Variants in MRE11 observed in about 807,000 individuals in gnomAD.
The protein encoded by MRE11 is double-strand break repair protein MRE11.
MRE11 carries 62 observed loss-of-function variants against 91.7 expected under a neutral mutation model. The ratio of observed to expected loss-of-function variants is 0.68; its 90% CI spans 0.55 to 0.84. The LOEUF (loss-of-function observed/expected upper bound fraction) is 0.84. Among genes scored for constraint, MRE11 ranks in the 40% least tolerant of loss-of-function variants. MRE11 has a pLI of 0.00. For missense variants in MRE11, 796 were observed against 852.9 expected (o/e 0.93, Z 0.83); for synonymous variants, 273 against 271.4 (o/e 1.01, Z -0.06).
At position 94,416,711 on chromosome 11, in the gene MRE11, A is replaced by G. The variant is rs1230660546; in HGVS notation, c.*3414T>C. The G allele has an allele frequency of 2.1e-5, 3 of 144,964 alleles. No homozygotes were observed. Among genetic ancestry groups the G allele is most frequent in the South Asian group, 2.3e-4 (1 of 4,420 alleles). The allele number at this position is 144,964 out of a possible 1,614,324, so 9.0% of individuals were successfully genotyped here. A position where few individuals can be genotyped will look rare whatever the true frequency, so the allele number is the denominator to read the frequency against. ...ATACAAAAAAAAAAAAAAAAAAATTAGCCAGGCGTGGTGGTGGGCGCCTGT... is the reference window on the plus strand; with the variant it reads ...ATACAAAAAAAAAAAAAAAAAAATTGGCCAGGCGTGGTGGTGGGCGCCTGT... On this transcript the variant is annotated 3_prime_UTR_variant, in exon 20 of 20. Coordinates refer to ENST00000323929, the MANE Select transcript of MRE11 (RefSeq NM_005591.4).
chr11:94,470,531 G>C lies in MRE11; in HGVS notation c.957C>G (p.Asp319Glu), dbSNP rs1393793845. ...CTTTAGGATTATCTGGGTTAAAAAT[G>C]TCTGGATGATTAGCTAGAACAATAT... ...MEDIVLANHP[D>E]IFNPDNPKVT... The change falls in exon 9 of 20, where the codon GAC becomes GAG. Residue 319 changes from aspartate to glutamate, a missense_variant. Asp to Glu is a conservative substitution (Grantham distance 45). Transcript: ENST00000323929. The C allele has an allele frequency of 6.2e-7, 1 of 1,613,128 alleles. No individual in the cohort carries two copies. Among genetic ancestry groups the C allele is most frequent in the African/African-American group, 1.3e-5 (1 of 74,868 alleles).
At chr11:94,481,673 T>G (rs557148) in intron 4 of MRE11, among the ~76,000 whole-genome samples, 1 of 152,006 alleles carries the variant, frequency 6.6e-6, no homozygotes, top group South Asian at 2.1e-4. Context: ...CATTGTGAGA[T>G]GGTGACCTTC....
intron 1 of MRE11, 109 bp downstream of exon 1, chr11:94,493,682 A>T (rs1591732245): frequency 1.3e-5 from 2 of 151,932 alleles, no homozygotes; most frequent in Non-Finnish European, 2.9e-5. Context: ...TTCCTAAATT[A>T]CCCCACTGCT....
intron 2 of MRE11, among the ~76,000 whole-genome samples, chr11:94,491,790 T>C (rs548001885): frequency 2.6e-5 from 4 of 152,170 alleles, no homozygotes; most frequent in Non-Finnish European, 5.9e-5. Context: ...ATCTCCAAAA[T>C]TCAAATCTTT....
intron 14 of MRE11, among the ~76,000 whole-genome samples, chr11:94,448,355 C>T (rs1387119688): frequency 6.6e-6 from 1 of 151,828 alleles, no homozygotes; most frequent in Non-Finnish European, 1.5e-5. Flanking sequence ...GGTGGATGGA[C>T]TGCTTGAGAT....
At position 94,471,026 on chromosome 11, in the gene MRE11, GA is replaced by G. The variant is rs1426935621; in HGVS notation, c.846-385del. 2.6e-5 allele frequency among the ~76,000 whole-genome samples: 4 copies of G among 151,308 alleles called. No homozygotes were observed. In the South Asian group the frequency reaches 6.3e-4, roughly 24 times the overall value. ...AATGATTTTGCAGTGGACTCATGAA[GA>G]AAAAAAACCAACCAACATAGATTCT... On this transcript the variant is annotated intron_variant, in intron 8 of 19. Coordinates refer to ENST00000323929, the MANE Select transcript of MRE11 (RefSeq NM_005591.4).
chr11:94,430,127 TA>T, intron 18 of MRE11, 141 bp from the exon 19 acceptor site: 1 of 869,810 alleles, frequency 1.1e-6, no homozygotes, highest in Non-Finnish European at 1.9e-6. Context: ...TTAGCGGCAA[TA>T]AAACTTAACT....
rs1262239263 is a variant in MRE11, at chr11:94,418,408, T to A, written c.*1717A>T. The A allele has an allele frequency of 8.6e-6, 2 of 232,418 alleles. No individual in the cohort carries two copies. Among genetic ancestry groups the A allele is most frequent in the Admixed American group, 1.1e-4 (2 of 17,734 alleles). The allele number at this position is 232,418 out of a possible 1,614,324, so 14.4% of individuals were successfully genotyped here. A position where few individuals can be genotyped will look rare whatever the true frequency, so the allele number is the denominator to read the frequency against. ...TTTTTTTTTTTTAAGGAAAAAAACT[T>A]TATTCCTTTTTTCCTAGGAACTTGT... On this transcript the variant is annotated 3_prime_UTR_variant, in exon 20 of 20. Transcript: ENST00000323929.
chr11:94,429,110 A>G (rs542755541), intron 19 of MRE11, among the ~76,000 whole-genome samples: 5 of 152,332 alleles, frequency 3.3e-5, no homozygotes, highest in African/African-American at 9.6e-5. Context: ...ATCACTAATC[A>G]TCGGAGAAAT....
chr11:94,494,654 T>C (rs1247417926), upstream of MRE11, among the ~76,000 whole-genome samples: 1 of 152,214 alleles, frequency 6.6e-6, no homozygotes, highest in African/African-American at 2.4e-5. Flanking sequence ...TTTTGTTTCT[T>C]AACTGTAAGT....
chr11:94,427,007 CA>C (rs1945340665), intron 19 of MRE11, among the ~76,000 whole-genome samples: 1 of 151,896 alleles, frequency 6.6e-6, no homozygotes, highest in Non-Finnish European at 1.5e-5. Context: ...GAAATTATTC[CA>C]AAAAAATCAA....
At chr11:94,420,959 G>A (rs991889509) in intron 19 of MRE11, among the ~76,000 whole-genome samples, 4 of 151,942 alleles carry the variant, frequency 2.6e-5, no homozygotes, top group Admixed American at 2.6e-4. Flanking sequence ...GTGAAACTGG[G>A]AGGCAGAGCT....
rs864622495 is a variant in MRE11 at position 94,471,658 on chromosome 11, G to T, written c.761C>A (p.Thr254Asn). Reference protein sequence around the residue: ...GHEHECKIAPTKNEQQLFYIS... With the variant: ...GHEHECKIAPNKNEQQLFYIS... ...ATAAAACAGCTGTTGTTCATTTTTG[G>T]TTGGAGCTATTTTACACTCATGTTC... is the stretch of plus-strand genomic sequence containing the variant. The change falls in exon 8 of 20, where the codon ACC becomes AAC. Residue 254 changes from threonine (T) to asparagine (N), a missense_variant. Thr to Asn is a moderately conservative substitution (Grantham distance 65). Transcript: ENST00000323929. 1.2e-6 allele frequency: 2 copies of T among 1,612,790 alleles called. No individual in the cohort carries two copies. The highest frequency in any genetic ancestry group is 4.5e-5 in the East Asian group (2 of 44,808).
chr11:94,465,297 C>T (rs1490721713), intron 10 of MRE11, among the ~76,000 whole-genome samples: 1 of 151,854 alleles, frequency 6.6e-6, no homozygotes, highest in East Asian at 1.9e-4. Flanking sequence ...GAGGCAGACA[C>T]AGATGAGAAA....
intron 3 of MRE11, among the ~76,000 whole-genome samples, chr11:94,488,423 T>C (rs1420114872): frequency 6.6e-6 from 1 of 152,152 alleles, no homozygotes; most frequent in Non-Finnish European, 1.5e-5. Flanking sequence ...AAAATGGAAC[T>C]ACCATTTGAC....
At chr11:94,432,487 C>T (rs1044322240) in intron 18 of MRE11, among the ~76,000 whole-genome samples, 7 of 152,164 alleles carry the variant, frequency 4.6e-5, no homozygotes, top group African/African-American at 1.4e-4. Context: ...TGCACGCTGT[C>T]CAGAGGTAAA....
chr11:94,434,138 C>T (rs1189111237), intron 18 of MRE11, among the ~76,000 whole-genome samples: 1 of 152,116 alleles, frequency 6.6e-6, no homozygotes, highest in Non-Finnish European at 1.5e-5. Context: ...ATTAGCAGTG[C>T]CCTGTAATTA....
intron 1 of MRE11, 77 bp from the exon 2 acceptor site, chr11:94,492,983 A>G (rs1469066995): frequency 6.3e-6 from 4 of 637,808 alleles, no homozygotes; most frequent in Non-Finnish European, 1.1e-5. Flanking sequence ...TACGCTGCAC[A>G]AGGTACAGAC....
rs1555008822 is a variant in MRE11, at chr11:94,457,887, T to TCACA, written c.1500+1517_1500+1520dup. On this transcript the variant is annotated intron_variant, in intron 13 of 19. Transcript: ENST00000323929. ...TTCTCTCTCTCCCTCTCTCTCTCTC[T>TCACA]CACACACACACACACACACACACAC... Among the ~76,000 whole-genome samples the TCACA allele has an allele frequency of 1.3e-3, 194 of 144,288 alleles. 1 individual carries two copies. Among genetic ancestry groups the TCACA allele is most frequent in the South Asian group, 3.2e-3 (14 of 4,380 alleles). The allele number at this position is 144,288 out of a possible 152,430, so 94.7% of individuals were successfully genotyped here. A position where few individuals can be genotyped will look rare whatever the true frequency, so the allele number is the denominator to read the frequency against.
Sources: allele counts gnomAD v4.1 joint callset (sites outside exome capture counted in the v4.1 genomes callset), GRCh38; gene constraint gnomAD v4.1.1; transcripts MANE v1.5; gene names NCBI Gene and HGNC (gene_info 2026-07-23, HGNC 2026-07-21).